GPR39: variants seen among roughly 807,000 people sequenced by gnomAD.
GPR39 encodes the protein zinc sensing receptor.
A neutral mutation model predicts 18.4 loss-of-function variants in GPR39; 23 were observed. That is an observed-to-expected ratio of 1.25 (90% confidence interval 0.90 to 1.77). The LOEUF (loss-of-function observed/expected upper bound fraction) is 1.77. Among genes scored for constraint, GPR39 ranks in the 40% most tolerant of loss-of-function variants. The probability of loss-of-function intolerance (pLI) is 0.00; values close to 1 mark genes in which losing one functional copy is unlikely to be tolerated. For missense variants in GPR39, 647 were observed against 602.4 expected (o/e 1.07, Z -0.78); for synonymous variants, 280 against 257.9 (o/e 1.09, Z -0.82).
chr2:132,606,805 C>T (rs949546366), intron 1 of GPR39, among the ~76,000 whole-genome samples: 5 of 152,210 alleles, frequency 3.3e-5, no homozygotes, highest in Admixed American at 6.5e-5. Flanking sequence ...GGGGACAGAG[C>T]GGGAAGGTGG....
chr2:132,427,097 AG>A (rs1680132294), intron 1 of GPR39, among the ~76,000 whole-genome samples: 1 of 137,386 alleles, frequency 7.3e-6, no homozygotes, highest in African/African-American at 2.7e-5. Context: ...ATACATATAT[AG>A]GTACATATAT....
At chr2:132,576,913 C>T (rs551894326) in intron 1 of GPR39, among the ~76,000 whole-genome samples, 18 of 152,184 alleles carry the variant, frequency 1.2e-4, no homozygotes, top group East Asian at 3.9e-4. Flanking sequence ...TATCAAAAAT[C>T]GGTTGTGCAT....
intron 1 of GPR39, among the ~76,000 whole-genome samples, chr2:132,437,597 A>T (rs1680349338): frequency 6.6e-6 from 1 of 152,132 alleles, no homozygotes. Flanking sequence ...GTGTCATAAT[A>T]GTCTTTGGGG....
At chr2:132,496,905 C>T (rs1681651703) in intron 1 of GPR39, among the ~76,000 whole-genome samples, 1 of 152,080 alleles carries the variant, frequency 6.6e-6, no homozygotes, top group Non-Finnish European at 1.5e-5. Context: ...TGGAACAGCA[C>T]AAAGCAATGT....
chr2:132,550,610 G>T (rs986135966), intron 1 of GPR39, among the ~76,000 whole-genome samples: 2 of 152,208 alleles, frequency 1.3e-5, no homozygotes, highest in Admixed American at 1.3e-4. Context: ...GAAGAATTTC[G>T]TGAGCTTTTA....
At chr2:132,526,923 C>T (rs953217364) in intron 1 of GPR39, among the ~76,000 whole-genome samples, 6 of 152,082 alleles carry the variant, frequency 3.9e-5, no homozygotes, top group Admixed American at 3.3e-4. Context: ...ATTCTACCTA[C>T]TTTGTTTTTT....
At chr2:132,492,111 A>G (rs1400679396) in intron 1 of GPR39, among the ~76,000 whole-genome samples, 1 of 149,818 alleles carries the variant, frequency 6.7e-6, no homozygotes, top group Admixed American at 6.7e-5. Flanking sequence ...CATACCATAT[A>G]TATACACACC....
chr2:132,604,677 A>T (rs16837937), intron 1 of GPR39: 1 of 152,256 alleles, frequency 6.6e-6, no homozygotes, highest in Non-Finnish European at 1.5e-5. Context: ...ACATATAAAA[A>T]GGAGGCCAAG....
chr2:132,460,339 A>G (rs1680808185), intron 1 of GPR39, among the ~76,000 whole-genome samples: 1 of 152,192 alleles, frequency 6.6e-6, no homozygotes, highest in African/African-American at 2.4e-5. Flanking sequence ...ATTTCTTGAT[A>G]GATGAATCTG....
intron 1 of GPR39, among the ~76,000 whole-genome samples, chr2:132,464,414 T>G (rs1680888984): frequency 6.6e-6 from 1 of 152,232 alleles, no homozygotes; most frequent in Non-Finnish European, 1.5e-5. Context: ...TCCCTAAGGA[T>G]AGTGCAGTAT....
intron 1 of GPR39, among the ~76,000 whole-genome samples, chr2:132,630,452 G>A (rs1315946521): frequency 6.6e-6 from 1 of 152,174 alleles, no homozygotes; most frequent in Non-Finnish European, 1.5e-5. Flanking sequence ...GTACAGCAAG[G>A]AAAGAAGGAA....
At chr2:132,448,991 AC>A (rs1330756135) in intron 1 of GPR39, among the ~76,000 whole-genome samples, 1 of 152,114 alleles carries the variant, frequency 6.6e-6, no homozygotes, top group Non-Finnish European at 1.5e-5. Context: ...GCTCTCCGCA[AC>A]CCCCTGCAGG....
At chr2:132,561,493 G>A (rs1680252673) in intron 1 of GPR39, among the ~76,000 whole-genome samples, 1 of 152,016 alleles carries the variant, frequency 6.6e-6, no homozygotes, top group Non-Finnish European at 1.5e-5. Flanking sequence ...AAGGAGCTGT[G>A]GCTTTCAACT....
intron 1 of GPR39, among the ~76,000 whole-genome samples, chr2:132,499,816 G>GTATT (rs971062847): frequency 4.9e-4 from 75 of 151,690 alleles, no homozygotes; most frequent in African/African-American, 1.1e-3. Flanking sequence ...GTATTGTATT[G>GTATT]TATTTATTTA....
intron 1 of GPR39, among the ~76,000 whole-genome samples, chr2:132,470,085 C>G (rs1025051117): frequency 2.6e-5 from 4 of 152,168 alleles, no homozygotes; most frequent in African/African-American, 9.7e-5. Flanking sequence ...AGCACTGACC[C>G]CCAACTGGGC....
chr2:132,530,608 G>A (rs943743722), intron 1 of GPR39, among the ~76,000 whole-genome samples: 1 of 152,148 alleles, frequency 6.6e-6, no homozygotes, highest in African/African-American at 2.4e-5. Context: ...AGAGAGAAAG[G>A]TCGGGTTACC....
At chr2:132,605,780 C>T (rs1681126590) in intron 1 of GPR39, among the ~76,000 whole-genome samples, 1 of 152,172 alleles carries the variant, frequency 6.6e-6, no homozygotes, top group South Asian at 2.1e-4. Context: ...ATTGCAGCTG[C>T]ACACATTTAA....
chr2:132,468,010 G>C (rs1431854917), intron 1 of GPR39, among the ~76,000 whole-genome samples: 1 of 152,106 alleles, frequency 6.6e-6, no homozygotes, highest in South Asian at 2.1e-4. Context: ...AATATAATTT[G>C]CATTTCTCAA....
chr2:132,582,903 ATTTC>A (rs1238404995), intron 1 of GPR39, among the ~76,000 whole-genome samples: 27 of 138,798 alleles, frequency 1.9e-4, no homozygotes, highest in African/African-American at 5.1e-4. Flanking sequence ...AGAGAATTAG[ATTTC>A]TTTCTTTCTT....
Sources: gnomAD v4.1 joint callset for allele counts (sites outside exome capture counted in the v4.1 genomes callset) on GRCh38, gnomAD v4.1.1 for gene constraint, MANE v1.5 for transcripts, NCBI Gene and HGNC (gene_info 2026-07-23, HGNC 2026-07-21) for gene names.